Variants in KLHL32 observed in about 807,000 individuals in gnomAD.
KLHL32 encodes the protein kelch like family member 32.
KLHL32 carries 35 observed loss-of-function variants against 64.8 expected under a neutral mutation model. That is an observed-to-expected ratio of 0.54 (90% CI 0.41 to 0.72). The LOEUF (loss-of-function observed/expected upper bound fraction) is 0.72. Among genes scored for constraint, KLHL32 ranks in the 30% least tolerant of loss-of-function variants. The pLI is 0.00. For synonymous variants in KLHL32, 259 were observed against 281.0 expected, an observed-to-expected ratio of 0.92 and a Z score of 0.78; for missense variants, 589 against 768.5, an observed-to-expected ratio of 0.77 and a Z score of 2.76.
chr6:97,066,191 T>A (rs557114050), intron 5 of KLHL32, among the ~76,000 whole-genome samples: 1 of 152,366 alleles, frequency 6.6e-6, no homozygotes, highest in Non-Finnish European at 1.5e-5. Flanking sequence ...GCTTTACGCA[T>A]CATCACCTGA....
At chr6:96,980,395 C>T (rs1776174003) in intron 3 of KLHL32, among the ~76,000 whole-genome samples, 1 of 152,058 alleles carries the variant, frequency 6.6e-6, no homozygotes, top group African/African-American at 2.4e-5. Flanking sequence ...TATCAAAAGC[C>T]TTTTCTAAAT....
At chr6:97,023,402 C>G (rs981347431) in intron 3 of KLHL32, among the ~76,000 whole-genome samples, 1 of 152,032 alleles carries the variant, frequency 6.6e-6, no homozygotes, top group Non-Finnish European at 1.5e-5. Context: ...ATCAGTGTAA[C>G]TTCTTTCAAT....
At chr6:97,121,455 A>G (rs1798357793) in intron 7 of KLHL32, among the ~76,000 whole-genome samples, 2 of 152,332 alleles carry the variant, frequency 1.3e-5, no homozygotes, top group South Asian at 2.1e-4. Flanking sequence ...AGGGGTGAGA[A>G]GAGACACATA....
intron 5 of KLHL32, among the ~76,000 whole-genome samples, chr6:97,082,899 C>T (rs1792790715): frequency 6.6e-6 from 1 of 152,200 alleles, no homozygotes; most frequent in Non-Finnish European, 1.5e-5. Context: ...AAAGAGAACA[C>T]ATGCTTCATT....
chr6:97,012,098 A>G (rs946866905), intron 3 of KLHL32, among the ~76,000 whole-genome samples: 1 of 152,184 alleles, frequency 6.6e-6, no homozygotes, highest in Non-Finnish European at 1.5e-5. Context: ...TCCATTTTCC[A>G]TTATACCAAG....
In KLHL32 at chr6:97,085,327, G is replaced by C. The variant is rs1793240284; in HGVS notation, c.613G>C (p.Glu205Gln). The C allele has an allele frequency of 4.3e-6, 7 of 1,612,534 alleles. No individual in the cohort carries two copies. Among genetic ancestry groups the C allele is most frequent in the Non-Finnish European group, 5.9e-6 (7 of 1,179,996 alleles). The change falls in exon 6 of 11, where the codon GAG (glutamate) becomes CAG (glutamine). Residue 205 changes from glutamate to glutamine, a missense_variant. By Grantham distance (29) the Glu-to-Gln change is conservative (BLOSUM62 2). This residue lies in a region of KLHL32 where 226 missense variants were observed against 353.2 expected (regional missense o/e 0.64). Coordinates refer to ENST00000369261, the MANE Select transcript of KLHL32 (RefSeq NM_052904.4). ...CGACCGCCTGACCTCCCTGAGTGAA[G>C]AGCAGATCTGGCAGGTAAGGGCGCT... The part of the protein sequence containing the change: ...KSDRLTSLSE[E>Q]QIWQLAVRWL...
At chr6:97,049,589 G>A (rs754130272) in intron 4 of KLHL32, among the ~76,000 whole-genome samples, 51 of 151,624 alleles carry the variant, frequency 3.4e-4, no homozygotes, top group South Asian at 1.3e-3. Context: ...AACGGGGGGC[G>A]GGGGGGAACT....
At chr6:96,937,061 A>AG (rs1770698762) in intron 1 of KLHL32, among the ~76,000 whole-genome samples, 1 of 152,208 alleles carries the variant, frequency 6.6e-6, no homozygotes, top group South Asian at 2.1e-4. Flanking sequence ...ATTAAAAAAA[A>AG]AAAGTTTTAC....
At chr6:97,098,497 T>C (rs566543201) in intron 6 of KLHL32, among the ~76,000 whole-genome samples, 3 of 152,330 alleles carry the variant, frequency 2.0e-5, no homozygotes, top group Admixed American at 1.3e-4. Flanking sequence ...ATTATTGTAA[T>C]TTTACTTCAA....
intron 6 of KLHL32, among the ~76,000 whole-genome samples, chr6:97,097,345 G>GTGAT (rs1795124299): frequency 2.0e-5 from 3 of 152,200 alleles, no homozygotes; most frequent in Non-Finnish European, 2.9e-5. Flanking sequence ...AGAGGCTGCT[G>GTGAT]TGATAATGAA....
intron 1 of KLHL32, 137 bp from the exon 2 acceptor site, chr6:96,966,859 G>A (rs1244052211): frequency 4.0e-6 from 2 of 504,112 alleles, no homozygotes; most frequent in Non-Finnish European, 7.2e-6. Context: ...GGAGCATTGT[G>A]TCAGAACGTT....
At chr6:96,965,201 C>T (rs1774322427) in intron 1 of KLHL32, among the ~76,000 whole-genome samples, 1 of 152,172 alleles carries the variant, frequency 6.6e-6, no homozygotes, top group Non-Finnish European at 1.5e-5. Flanking sequence ...GCTATTAATA[C>T]ATAGTATTCC....
chr6:97,033,087 C>T (rs1188485762), intron 3 of KLHL32, among the ~76,000 whole-genome samples: 1 of 152,126 alleles, frequency 6.6e-6, no homozygotes. Flanking sequence ...TTACTAAGAG[C>T]TTGCCATATG....
chr6:97,089,918 T>C (rs957861377), intron 6 of KLHL32, among the ~76,000 whole-genome samples: 5 of 152,152 alleles, frequency 3.3e-5, no homozygotes, highest in Non-Finnish European at 7.4e-5. Flanking sequence ...GCTATGTGAG[T>C]GGCGTCAAAC....
intron 1 of KLHL32, among the ~76,000 whole-genome samples, chr6:96,932,892 T>C (rs539643672): frequency 2.0e-5 from 3 of 152,306 alleles, no homozygotes; most frequent in East Asian, 3.9e-4. Context: ...TTTTGATTTC[T>C]GTGTTTCATG....
chr6:96,994,231 C>T (rs1289577353), intron 3 of KLHL32, among the ~76,000 whole-genome samples: 4 of 152,158 alleles, frequency 2.6e-5, no homozygotes, highest in Non-Finnish European at 5.9e-5. Flanking sequence ...CAAACTGAAA[C>T]ATCTGGAAAG....
chr6:97,088,249 A>G (rs1038405018), intron 6 of KLHL32, among the ~76,000 whole-genome samples: 17 of 152,328 alleles, frequency 1.1e-4, no homozygotes, highest in East Asian at 3.9e-4. Context: ...ATTTGGTTTT[A>G]TGTTTCAAGG....
chr6:96,956,559 T>G (rs531878711), intron 1 of KLHL32, among the ~76,000 whole-genome samples: 239 of 152,316 alleles, frequency 1.6e-3, no homozygotes, highest in Non-Finnish European at 2.7e-3. Context: ...CCTTTAGTGC[T>G]CCCCTACTTG....
chr6:97,059,264 A>G (rs186741336), intron 4 of KLHL32, among the ~76,000 whole-genome samples: 2 of 152,352 alleles, frequency 1.3e-5, no homozygotes, highest in Non-Finnish European at 2.9e-5. Flanking sequence ...AAGATGGAGA[A>G]CAAGGTATTG....
Sources: gnomAD v4.1 joint callset for allele counts (sites outside exome capture counted in the v4.1 genomes callset) on GRCh38, gnomAD v4.1.1 for gene constraint, gnomAD v4.1.1 regional missense constraint, MANE v1.5 for transcripts, NCBI Gene and HGNC (gene_info 2026-07-23, HGNC 2026-07-21) for gene names.